Variants in IQGAP3 observed in about 807,000 individuals in gnomAD.
IQGAP3 encodes the protein ras GTPase-activating-like protein IQGAP3.
IQGAP3 carries 165 observed loss-of-function variants against 208.2 expected under a neutral mutation model. The ratio of observed to expected loss-of-function variants is 0.79; its 90% CI spans 0.70 to 0.90. The LOEUF (loss-of-function observed/expected upper bound fraction) is 0.90. IQGAP3 is among the 40% of genes least tolerant of loss of function. IQGAP3 has a pLI of 0.00. For synonymous variants in IQGAP3, 703 were observed against 803.6 expected, an observed-to-expected ratio of 0.87 and a Z score of 2.12; for missense variants, 1,811 against 2,043.1, an observed-to-expected ratio of 0.89 and a Z score of 2.19.
chr1:156,532,067 A>G (rs940563870), intron 32 of IQGAP3, among the ~76,000 whole-genome samples: 1 of 152,092 alleles, frequency 6.6e-6, no homozygotes, highest in African/African-American at 2.4e-5. Flanking sequence ...CTCCATGCCC[A>G]TCTCCTGACC....
At chr1:156,550,533 C>T (rs1160277224) in intron 15 of IQGAP3, among the ~76,000 whole-genome samples, 182 bp from the exon 16 acceptor site, 1 of 152,154 alleles carries the variant, frequency 6.6e-6, no homozygotes, top group Non-Finnish European at 1.5e-5. Context: ...TGGGACGCGG[C>T]CAGGCTCAGA....
At chr1:156,532,196 G>A (rs556071263) in intron 32 of IQGAP3, among the ~76,000 whole-genome samples, 2 of 151,712 alleles carry the variant, frequency 1.3e-5, no homozygotes, top group Non-Finnish European at 2.9e-5. Context: ...AAATCAGGCT[G>A]GCCAACATGG....
intron 31 of IQGAP3, among the ~76,000 whole-genome samples, 188 bp from the exon 32 acceptor site, chr1:156,533,294 A>C (rs538741430): frequency 6.6e-6 from 1 of 152,172 alleles, no homozygotes; most frequent in Non-Finnish European, 1.5e-5. Context: ...CACCGATGGA[A>C]GGGCTGTTAC....
chr1:156,561,045 A>G (rs771956949), intron 10 of IQGAP3, 24 bp from the exon 11 acceptor site: 4 of 1,552,942 alleles, frequency 2.6e-6, no homozygotes, highest in Non-Finnish European at 3.6e-6. Context: ...GAGATACAGT[A>G]GAATGGAGTC....
chr1:156,554,793 C>G (rs1372009190), intron 12 of IQGAP3, among the ~76,000 whole-genome samples: 1 of 152,186 alleles, frequency 6.6e-6, no homozygotes, highest in African/African-American at 2.4e-5. Context: ...TGCAGTGGCT[C>G]ACACCTGTAA....
intron 37 of IQGAP3, among the ~76,000 whole-genome samples, 180 bp downstream of exon 37, chr1:156,527,772 G>A (rs1195503020): frequency 6.6e-6 from 1 of 152,194 alleles, no homozygotes; most frequent in African/African-American, 2.4e-5. Flanking sequence ...AGGGCATGGG[G>A]AAAGGGGGGC....
intron 34 of IQGAP3, 45 bp from the exon 35 acceptor site, chr1:156,529,127 A>G (rs997930819): frequency 3.7e-6 from 6 of 1,604,270 alleles, no homozygotes; most frequent in Non-Finnish European, 5.1e-6. Context: ...CCTTCCTGGC[A>G]GGAGAGCCTT....
intron 27 of IQGAP3, among the ~76,000 whole-genome samples, chr1:156,535,520 G>T (rs542411888): frequency 2.0e-5 from 3 of 152,200 alleles, no homozygotes; most frequent in Non-Finnish European, 1.5e-5. Flanking sequence ...AACCTGGCTC[G>T]AGAACCTCTT....
chr1:156,548,586 C>A lies in IQGAP3; in HGVS notation c.1988G>T (p.Arg663Leu). 1 of 1,599,758 alleles carries A rather than the reference C, an allele frequency of 6.3e-7. No individual in the cohort carries two copies. The highest frequency in any genetic ancestry group is 8.5e-7 in the Non-Finnish European group (1 of 1,170,468). The change falls in exon 17 of 38, where the codon CGT (arginine) becomes CTT (leucine). Residue 663 changes from arginine (R) to leucine (L), a missense_variant. By Grantham distance (102) the Arg-to-Leu change is moderately radical. Transcript: ENST00000361170. ...GGTCAGGTTGGGGCCATTACCTGGA[C>A]GCTGTTTCTTTGCCATGGCACTTTC... ...ALESAMAKKQRPADTAFWVQH... is the reference protein window; with the variant it reads ...ALESAMAKKQLPADTAFWVQH...
intron 32 of IQGAP3, among the ~76,000 whole-genome samples, chr1:156,531,456 A>G (rs1250187073): frequency 1.3e-5 from 2 of 151,844 alleles, no homozygotes; most frequent in African/African-American, 4.8e-5. Context: ...CTGAGCACAC[A>G]TGTCCTTCCC....
At chr1:156,539,618 A>C in intron 24 of IQGAP3, 81 bp from the exon 25 acceptor site, 1 of 1,459,098 alleles carries the variant, frequency 6.9e-7, no homozygotes, top group Non-Finnish European at 9.5e-7. Flanking sequence ...CTTTCCCCTG[A>C]TGGAAATCTG....
chr1:156,562,928 C>T (rs1248882028), intron 8 of IQGAP3, among the ~76,000 whole-genome samples: 1 of 152,228 alleles, frequency 6.6e-6, no homozygotes, highest in Non-Finnish European at 1.5e-5. Flanking sequence ...GATCATCCCC[C>T]AAGAACCTCT....
At position 156,554,236 on chromosome 1, in the gene IQGAP3, G is replaced by A. The variant is rs150940793; in HGVS notation, c.1447C>T (p.Arg483Cys). Residue 483 changes from arginine to cysteine, a missense_variant and splice_region_variant, in exon 13 of 38, where the codon CGT becomes TGT. Arg to Cys is a radical substitution (Grantham distance 180). Transcript: ENST00000361170. ...AATGTGTGGCTAAGCCTTTCTCACC[G>A]CTGGGCATTTTCTCCTTCCACCTCA... is the stretch of plus-strand genomic sequence containing the variant. ...LAEVEGENAQ[R>C]YFDALLKLRQ... 1.0e-4 allele frequency: 161 copies of A among 1,605,058 alleles called. No individual in the cohort carries two copies. Among genetic ancestry groups the A allele is most frequent in the African/African-American group, 6.2e-4 (46 of 74,450 alleles).
At chr1:156,526,665 C>G in intron 37 of IQGAP3, 66 bp from the exon 38 acceptor site, 1 of 1,085,186 alleles carries the variant, frequency 9.2e-7, no homozygotes, top group Middle Eastern at 2.3e-4. Flanking sequence ...AGATGGTGTA[C>G]AAAACACTCA....
intron 22 of IQGAP3, 77 bp downstream of exon 22, chr1:156,543,901 CAGA>C: frequency 1.6e-6 from 2 of 1,231,024 alleles, no homozygotes; most frequent in Non-Finnish European, 2.4e-6. Context: ...TGTGCAGTCG[CAGA>C]AGGATGTCTA....
chr1:156,565,632 A>G (rs1676368178), intron 4 of IQGAP3, among the ~76,000 whole-genome samples: 1 of 152,190 alleles, frequency 6.6e-6, no homozygotes, highest in Non-Finnish European at 1.5e-5. Flanking sequence ...CAAAGAGTGA[A>G]ATCATGTGTC....
At position 156,533,101 on chromosome 1, in the gene IQGAP3, TC is replaced by T. The variant is rs780013653; in HGVS notation, c.3981del (p.Ser1328AlafsTer10). 3 of 1,613,752 alleles carry T rather than the reference TC, an allele frequency of 1.9e-6. No homozygotes were observed. The highest frequency in any genetic ancestry group is 2.5e-6 in the Non-Finnish European group (3 of 1,179,888). ...TCCGTGTGCCCATCTGCAGCGATGC[TC>T]TCACCTGAGGTGTGGTGAGGAATGA... ...ELPTIPDLIG[E>X]SIAADGHTDL... On this transcript the variant is annotated frameshift_variant, in exon 32 of 38. Transcript: ENST00000361170. LOFTEE classifies it high-confidence loss of function.
chr1:156,531,478 C>T (rs565677663), intron 32 of IQGAP3, among the ~76,000 whole-genome samples: 2 of 152,216 alleles, frequency 1.3e-5, no homozygotes, highest in East Asian at 3.9e-4. Context: ...CCCAGCCATC[C>T]CTTCTCCTTA....
chr1:156,536,945 G>C, intron 27 of IQGAP3: 1 of 385,320 alleles, frequency 2.6e-6, no homozygotes. Flanking sequence ...CCCTCCTCTG[G>C]TTCCACTGAC....
Sources: allele counts gnomAD v4.1 joint callset (sites outside exome capture counted in the v4.1 genomes callset), GRCh38; gene constraint gnomAD v4.1.1; transcripts MANE v1.5; gene names NCBI Gene and HGNC (gene_info 2026-07-23, HGNC 2026-07-21).